NUP107: variants seen among roughly 807,000 people sequenced by gnomAD.
NUP107 encodes the protein nuclear pore complex protein Nup107.
NUP107 carries 101 observed loss-of-function variants against 141.0 expected under a neutral mutation model. The observed-to-expected ratio is 0.72, with a 90% CI of 0.61 to 0.84. The LOEUF is 0.84. Among genes scored for constraint, NUP107 ranks in the 40% least tolerant of loss-of-function variants. The pLI is 0.00. For missense variants in NUP107, 941 were observed against 1,102.7 expected, an observed-to-expected ratio of 0.85 and a Z score of 2.08; for synonymous variants, 319 against 363.9, an observed-to-expected ratio of 0.88 and a Z score of 1.41.
At chr12:68,692,578 AAAAAAAAAAAAC>A (rs1369112819) in intron 5 of NUP107, among the ~76,000 whole-genome samples, 11 of 134,750 alleles carry the variant, frequency 8.2e-5, no homozygotes, top group East Asian at 4.1e-4. Flanking sequence ...GACTCCGTCT[AAAAAAAAAAAAC>A]AAAAAAAAAA....
intron 5 of NUP107, among the ~76,000 whole-genome samples, chr12:68,694,629 C>T (rs747304368): frequency 5.3e-4 from 81 of 152,224 alleles, no homozygotes; most frequent in Non-Finnish European, 1.3e-4. Context: ...AGGCTGGACG[C>T]AGTGGCTGAT....
At chr12:68,718,006 T>C (rs1877185794) in intron 12 of NUP107, among the ~76,000 whole-genome samples, 1 of 152,184 alleles carries the variant, frequency 6.6e-6, no homozygotes. Context: ...GGAGAATTGA[T>C]TGGCTCATGG....
intron 5 of NUP107, among the ~76,000 whole-genome samples, chr12:68,695,501 G>GA (rs1464220439): frequency 6.6e-6 from 1 of 152,142 alleles, no homozygotes; most frequent in Non-Finnish European, 1.5e-5. Context: ...TATGCTAAGT[G>GA]AAATAAACCA....
At chr12:68,740,859 A>G (rs1878291418) in intron 26 of NUP107, among the ~76,000 whole-genome samples, 1 of 151,982 alleles carries the variant, frequency 6.6e-6, no homozygotes, top group African/African-American at 2.4e-5. Context: ...CCTCATCTCT[A>G]CAAATAATAA....
chr12:68,708,897 G>T (rs1158965773), intron 8 of NUP107, among the ~76,000 whole-genome samples: 22 of 152,182 alleles, frequency 1.4e-4, no homozygotes, highest in Admixed American at 1.3e-3. Flanking sequence ...GGGATTACAG[G>T]TGTGAGCCAC....
intron 8 of NUP107, chr12:68,705,674 A>G (rs922954488): frequency 9.6e-6 from 6 of 624,364 alleles, no homozygotes; most frequent in Non-Finnish European, 1.8e-5. Flanking sequence ...AAGGTGTCCA[A>G]CTCTGGCCCA....
At chr12:68,692,218 TTCTG>T (rs1394519937) in intron 5 of NUP107, 106 bp downstream of exon 5, 215 of 1,203,382 alleles carry the variant, frequency 1.8e-4, no homozygotes, top group Middle Eastern at 2.2e-4. Context: ...TTTTCTTTCT[TTCTG>T]TCTTTTTTTC....
Position 68,731,587 on chromosome 12 carries a change from C to G in NUP107, c.1886-20C>G, listed in dbSNP as rs759885104. 2.8e-6 allele frequency: 4 copies of G among 1,407,980 alleles called. No homozygotes were observed. The highest frequency in any genetic ancestry group is 1.5e-5 in the African/African-American group (1 of 67,388). The allele number at this position is 1,407,980 out of a possible 1,614,324, so 87.2% of individuals were successfully genotyped here. A position where few individuals can be genotyped will look rare whatever the true frequency, so the allele number is the denominator to read the frequency against. ...TCAATGATTAATCTTTGTTTTTTGT[C>G]GCTTCAAAAAATTATTTAGATTTGG... is the stretch of plus-strand genomic sequence containing the variant. On this transcript the variant is annotated intron_variant, in intron 21 of 27. Transcript: ENST00000229179.
chr12:68,702,660 C>A, intron 7 of NUP107, 76 bp from the exon 8 acceptor site: 2 of 991,598 alleles, frequency 2.0e-6, no homozygotes, highest in Non-Finnish European at 3.0e-6. Flanking sequence ...AATTTTCCTT[C>A]TCTCAGATGC....
Position 68,713,864 on chromosome 12 carries a change from G to T in NUP107, c.969+56G>T, listed in dbSNP as rs1876987951. On this transcript the variant is annotated intron_variant, in intron 11 of 27. Transcript: ENST00000229179. The stretch of plus-strand genomic sequence containing the variant: ...CAAAGTTAACTGATTTTTTTTTTCA[G>T]GCTGAGAATTTTTTCTCGTGGATCT... The T allele has an allele frequency of 3.6e-6, 5 of 1,403,694 alleles. No homozygotes were observed. The South Asian group carries it at 6.1e-5, about 17-fold the overall frequency. The allele number at this position is 1,403,694 out of a possible 1,614,324, so 87.0% of individuals were successfully genotyped here.
chr12:68,704,095 A>G (rs976521493), intron 8 of NUP107, among the ~76,000 whole-genome samples: 4 of 152,232 alleles, frequency 2.6e-5, no homozygotes, highest in East Asian at 1.9e-4. Flanking sequence ...AAAAAAGTGC[A>G]GTGAATGTTT....
chr12:68,714,560 A>G (rs754287493), intron 11 of NUP107, among the ~76,000 whole-genome samples: 2 of 152,236 alleles, frequency 1.3e-5, no homozygotes, highest in African/African-American at 2.4e-5. Flanking sequence ...TTGATCTATT[A>G]TGTATTCCAT....
At position 68,731,122 on chromosome 12, in the gene NUP107, G is replaced by A; in HGVS notation, c.1747G>A (p.Glu583Lys). 1.3e-6 allele frequency: 2 copies of A among 1,584,004 alleles called. No individual in the cohort carries two copies. The highest frequency in any genetic ancestry group is 1.7e-6 in the Non-Finnish European group (2 of 1,167,462). Residue 583 changes from glutamate (E) to lysine (K), a missense_variant, in exon 21 of 28, where the codon GAG becomes AAG. Coordinates refer to ENST00000229179, the MANE Select transcript of NUP107 (RefSeq NM_020401.4). ...TTCTATTTTTTAGCTTTTAATAAGA[G>A]AGAAACATACAAATCTTATAGCATT... ...LKTYIQLLIR[E>K]KHTNLIAFYT...
chr12:68,710,438 C>T (rs1876792717), intron 10 of NUP107, among the ~76,000 whole-genome samples: 1 of 151,830 alleles, frequency 6.6e-6, no homozygotes, highest in Admixed American at 6.6e-5. Context: ...TGGGGGATCA[C>T]GAGGTCAGGA....
chr12:68,729,852 G>A (rs75255180), intron 20 of NUP107, among the ~76,000 whole-genome samples: 6,876 of 150,886 alleles, frequency 0.046, 522 homozygotes, highest in African/African-American at 0.16. Flanking sequence ...GTGCAATGGC[G>A]CAATCTCAGC....
chr12:68,735,609 A>G (rs1453273046), intron 26 of NUP107, among the ~76,000 whole-genome samples: 1 of 152,226 alleles, frequency 6.6e-6, no homozygotes, highest in East Asian at 1.9e-4. Flanking sequence ...AAATTTAATT[A>G]TACATGTATG....
intron 26 of NUP107, 90 bp from the exon 27 acceptor site, chr12:68,741,723 C>A (rs1878327169): frequency 8.6e-7 from 1 of 1,156,964 alleles, no homozygotes; most frequent in Non-Finnish European, 1.2e-6. Context: ...CTACCAATTA[C>A]ATTCTGGGTT....
rs867498406 is a variant in NUP107, at chr12:68,692,027, G to A, written c.363G>A (p.Leu121=). ...AAAFSSQRSG[L]FTNTEPHSIT... The stretch of plus-strand genomic sequence containing the variant: ...CATTTTCATCACAGCGTTCCGGGCT[G>A]TTCACAAACACAGAGCCCCACAGTA... The change falls in exon 5 of 28, where the codon CTG becomes CTA. Residue 121 remains leucine (L), a synonymous_variant. Coordinates refer to ENST00000229179, the MANE Select transcript of NUP107 (RefSeq NM_020401.4). The A allele has an allele frequency of 1.2e-6, 2 of 1,611,658 alleles. No individual in the cohort carries two copies. The highest frequency in any genetic ancestry group is 1.7e-6 in the Non-Finnish European group (2 of 1,178,616).
intron 12 of NUP107, among the ~76,000 whole-genome samples, chr12:68,716,321 T>C (rs1877112388): frequency 6.7e-6 from 1 of 149,932 alleles, no homozygotes; most frequent in Non-Finnish European, 1.5e-5. Context: ...ACTGCAGTCC[T>C]TACCTCCCGG....
Sources: allele counts gnomAD v4.1 joint callset (sites outside exome capture counted in the v4.1 genomes callset), GRCh38; gene constraint gnomAD v4.1.1; transcripts MANE v1.5; gene names NCBI Gene and HGNC (gene_info 2026-07-23, HGNC 2026-07-21).